Variants in SEMA3D observed in about 807,000 individuals in gnomAD.
The protein encoded by SEMA3D is semaphorin-3D.
Under a neutral mutation model 100.1 loss-of-function variants are expected in SEMA3D, and 84 were observed. That is an observed-to-expected ratio of 0.84 (90% CI 0.70 to 1.01). The LOEUF (loss-of-function observed/expected upper bound fraction) is 1.01. Among genes scored for constraint, SEMA3D ranks in the 50% least tolerant of loss-of-function variants. The probability of loss-of-function intolerance (pLI) is 0.00; values close to 1 mark genes in which losing one functional copy is unlikely to be tolerated. For synonymous variants in SEMA3D, 312 were observed against 320.7 expected (o/e 0.97, Z 0.29); for missense variants, 875 against 934.1 (o/e 0.94, Z 0.82).
At chr7:85,141,829 G>A in intron 2 of SEMA3D, 1 of 790,080 alleles carries the variant, frequency 1.3e-6, no homozygotes, top group African/African-American at 1.9e-5. Flanking sequence ...AACCAAAGTG[G>A]CCACACACAG....
chr7:85,135,614 C>G (rs1390137004), intron 2 of SEMA3D, among the ~76,000 whole-genome samples: 2 of 150,778 alleles, frequency 1.3e-5, no homozygotes, highest in African/African-American at 4.9e-5. Context: ...ATGTAACAAA[C>G]CTGCACATTG....
At chr7:85,176,076 A>T (rs930789486) in intron 1 of SEMA3D, among the ~76,000 whole-genome samples, 3 of 152,072 alleles carry the variant, frequency 2.0e-5, no homozygotes, top group African/African-American at 7.2e-5. Context: ...TTTAAAAAAA[A>T]GAGGTAGACA....
intron 1 of SEMA3D, among the ~76,000 whole-genome samples, chr7:85,184,563 TATTA>T (rs917177695): frequency 1.2e-4 from 18 of 152,130 alleles, no homozygotes; most frequent in Admixed American, 1.3e-4. Flanking sequence ...TTGTTGAGGA[TATTA>T]ATTGTGATAA....
At chr7:85,179,420 T>C (rs1791332254) in intron 1 of SEMA3D, among the ~76,000 whole-genome samples, 1 of 152,176 alleles carries the variant, frequency 6.6e-6, no homozygotes, top group Non-Finnish European at 1.5e-5. Context: ...AACCTGGATA[T>C]GAGACATGGA....
At chr7:85,185,078 G>A (rs747153849) in intron 1 of SEMA3D, among the ~76,000 whole-genome samples, 12 of 152,130 alleles carry the variant, frequency 7.9e-5, no homozygotes, top group Non-Finnish European at 1.5e-4. Context: ...AAAAGGAGAA[G>A]GAAAAGGAGA....
intron 4 of SEMA3D, among the ~76,000 whole-genome samples, chr7:85,083,401 G>C (rs529915157): frequency 6.6e-6 from 1 of 152,158 alleles, no homozygotes; most frequent in African/African-American, 2.4e-5. Context: ...ACCCAGAATC[G>C]TGAAGCCATA....
intron 12 of SEMA3D, among the ~76,000 whole-genome samples, chr7:85,033,722 C>CA (rs1042061542): frequency 2.0e-5 from 3 of 151,642 alleles, no homozygotes; most frequent in African/African-American, 7.3e-5. Flanking sequence ...TAAAAACAAA[C>CA]AAAAAACCCC....
chr7:85,098,131 T>C (rs754212869), intron 3 of SEMA3D, among the ~76,000 whole-genome samples, 166 bp from the exon 4 acceptor site: 2 of 151,556 alleles, frequency 1.3e-5, no homozygotes, highest in Non-Finnish European at 2.9e-5. Context: ...GAATTAGTAA[T>C]AGGCAAAATA....
At position 85,121,776 on chromosome 7, in the gene SEMA3D, T is replaced by C; in HGVS notation, c.116A>G (p.Lys39Arg). ...MLFLPVTGTL[K>R]QNIPRLKLTY... Reference sequence around the variant, plus strand: ...TAGCTTGAGTCTTGGAATATTTTGCTTCAAAGTGCCAGTGACTGGAAGAAA... The same window carrying C: ...TAGCTTGAGTCTTGGAATATTTTGCCTCAAAGTGCCAGTGACTGGAAGAAA... The change falls in exon 3 of 19, where the codon AAG (lysine) becomes AGG (arginine). Residue 39 changes from lysine to arginine, a missense_variant. Coordinates refer to ENST00000284136, the MANE Select transcript of SEMA3D (RefSeq NM_001384900.1). The C allele has an allele frequency of 6.2e-7, 1 of 1,604,988 alleles. No homozygotes were observed. The highest frequency in any genetic ancestry group is 8.5e-7 in the Non-Finnish European group (1 of 1,176,366).
chr7:85,059,841 T>C (rs751100686), intron 8 of SEMA3D, among the ~76,000 whole-genome samples: 3 of 152,160 alleles, frequency 2.0e-5, no homozygotes, highest in African/African-American at 7.2e-5. Flanking sequence ...AAAAGGGGTA[T>C]AAATAAATAT....
chr7:85,040,795 T>C (rs1024092697), intron 10 of SEMA3D, 53 bp from the exon 11 acceptor site: 26 of 841,466 alleles, frequency 3.1e-5, no homozygotes, highest in Non-Finnish European at 5.2e-5. Flanking sequence ...ATTACATTGC[T>C]TTTTTGTTAA....
chr7:85,206,505 C>T, the SEMA3D span, among the ~76,000 whole-genome samples: 2 of 152,184 alleles, frequency 1.3e-5, no homozygotes, highest in African/African-American at 2.4e-5. Context: ...TTCGAAAACA[C>T]TCCAGGGCTC....
In SEMA3D at chr7:85,047,860, C is replaced by T. The variant is rs73713931; in HGVS notation, c.862-5575G>A. ...TAAAATTTAGTTATTTTGCCTAATA[C>T]TGCTCTTCTGTATCTTTGTGCAAGC... is the stretch of plus-strand genomic sequence containing the variant. On this transcript the variant is annotated intron_variant, in intron 9 of 18. Transcript: ENST00000284136. Among the ~76,000 whole-genome samples, 337 of 151,918 alleles carry T rather than the reference C, an allele frequency of 2.2e-3. 1 individual carries two copies. The highest frequency in any genetic ancestry group is 7.5e-3 in the African/African-American group (311 of 41,510).
chr7:85,192,288 C>A, the SEMA3D span, among the ~76,000 whole-genome samples: 7 of 151,978 alleles, frequency 4.6e-5, no homozygotes, highest in East Asian at 1.2e-3. Flanking sequence ...AACTTAGTAA[C>A]TAAGTGAATG....
intron 6 of SEMA3D, among the ~76,000 whole-genome samples, chr7:85,071,584 T>C (rs565570379): frequency 9.2e-5 from 14 of 152,350 alleles, no homozygotes; most frequent in South Asian, 4.1e-4. Context: ...AATGTCATCA[T>C]TGTGTGAACA....
At chr7:85,140,662 A>G in intron 2 of SEMA3D, 1 of 977,174 alleles carries the variant, frequency 1.0e-6, no homozygotes, top group Non-Finnish European at 1.2e-6. Flanking sequence ...CAAGACACGA[A>G]CACATTATTA....
chr7:85,167,253 T>C, intron 1 of SEMA3D: 1 of 984,462 alleles, frequency 1.0e-6, no homozygotes, highest in Non-Finnish European at 1.2e-6. Flanking sequence ...ATGCCTCATC[T>C]GGAGGTCTTG....
the SEMA3D span, among the ~76,000 whole-genome samples, chr7:85,235,585 C>T: frequency 2.3e-4 from 35 of 152,204 alleles, no homozygotes; most frequent in African/African-American, 7.7e-4. Flanking sequence ...GAACAGAACC[C>T]AGCTAAGGAT....
the SEMA3D span, among the ~76,000 whole-genome samples, chr7:85,208,403 C>T: frequency 1.3e-5 from 2 of 151,962 alleles, no homozygotes; most frequent in Non-Finnish European, 2.9e-5. Flanking sequence ...GAAATTAGTG[C>T]ACCATAATGC....
Sources: allele counts gnomAD v4.1 joint callset (sites outside exome capture counted in the v4.1 genomes callset), GRCh38; gene constraint gnomAD v4.1.1; transcripts MANE v1.5; gene names NCBI Gene and HGNC (gene_info 2026-07-23, HGNC 2026-07-21).